Variants in DCDC2C observed in about 807,000 individuals in gnomAD.
DCDC2C encodes the protein doublecortin domain containing 2C, also known as doublecortin domain-containing protein 2C.
DCDC2C carries 44 observed loss-of-function variants against 45.0 expected under a neutral mutation model. The ratio of observed to expected loss-of-function variants is 0.98; its 90% CI spans 0.77 to 1.26. The LOEUF is 1.26. Among genes scored for constraint, DCDC2C ranks in the 50% most tolerant of loss-of-function variants. The probability of loss-of-function intolerance (pLI) is 0.00; values close to 1 mark genes in which losing one functional copy is unlikely to be tolerated. For missense variants in DCDC2C, 447 were observed against 468.9 expected, an observed-to-expected ratio of 0.95 and a Z score of 0.43; for synonymous variants, 187 against 178.8, an observed-to-expected ratio of 1.05 and a Z score of -0.37.
At chr2:3,775,028 G>A (rs1411040341) in intron 8 of DCDC2C, among the ~76,000 whole-genome samples, 1 of 151,604 alleles carries the variant, frequency 6.6e-6, no homozygotes, top group East Asian at 1.9e-4. Context: ...GCCTCCCAAA[G>A]TGCTGGGATT....
At position 3,704,191 on chromosome 2, in the gene DCDC2C, C is replaced by G. The variant is rs1467052246; in HGVS notation, c.287+153C>G. 3 of 706,554 alleles carry G rather than the reference C, an allele frequency of 4.2e-6. No individual in the cohort carries two copies. In the East Asian group the frequency reaches 1.0e-4, roughly 24 times the overall value. The allele number at this position is 706,554 out of a possible 1,614,324, so 43.8% of individuals were successfully genotyped here. A position where few individuals can be genotyped will look rare whatever the true frequency, so the allele number is the denominator to read the frequency against. On this transcript the variant is annotated intron_variant, in intron 1 of 10. Transcript: ENST00000399143. ...GGCGTGGATCCAGCGCAGCCGGCGTCGGGCCGCCCCAGGCCACGTGGTTTC... is the reference window on the plus strand; with the variant it reads ...GGCGTGGATCCAGCGCAGCCGGCGTGGGGCCGCCCCAGGCCACGTGGTTTC...
chr2:3,754,632 AAAGTAAGTAACTTTTTAAAAC>A lies in DCDC2C; in HGVS notation c.726+12_726+32del, dbSNP rs1469666611. On this transcript the variant is annotated splice_donor_variant and splice_donor_5th_base_variant and coding_sequence_variant and intron_variant, in exon 6 of 11. Coordinates refer to ENST00000399143, the MANE Select transcript of DCDC2C (RefSeq NM_001287444.2). LOFTEE classifies it high-confidence loss of function. Reference sequence around the variant, plus strand: ...TGAAAAAAACTCACAGAGAAAGAAAAAAGTAAGTAACTTTTTAAAACAAGTAAGTAACTTGTTTCTGATTCT... The same window carrying A: ...TGAAAAAAACTCACAGAGAAAGAAAAAAGTAAGTAACTTGTTTCTGATTCT... 1.4e-5 allele frequency: 22 copies of A among 1,549,026 alleles called. No homozygotes were observed. Among genetic ancestry groups the A allele is most frequent in the Middle Eastern group, 1.7e-4 (1 of 6,008 alleles).
chr2:3,741,871 C>T, intron 3 of DCDC2C, 49 bp from the exon 4 acceptor site: 6 of 1,495,938 alleles, frequency 4.0e-6, no homozygotes, highest in South Asian at 1.3e-5. Flanking sequence ...TCAATGTTTC[C>T]CCCTCAAACT....
chr2:3,726,980 A>G, intron 2 of DCDC2C, 23 bp from the exon 3 acceptor site: 1 of 1,548,044 alleles, frequency 6.5e-7, no homozygotes, highest in Non-Finnish European at 8.7e-7. Context: ...CTGAATTCCC[A>G]GGTGTGTTTT....
chr2:3,825,055 C>A (rs972228895), intron 10 of DCDC2C, among the ~76,000 whole-genome samples: 2 of 152,164 alleles, frequency 1.3e-5, no homozygotes, highest in African/African-American at 4.8e-5. Flanking sequence ...AAGCCTTGTC[C>A]CCTAGTGGGA....
intron 10 of DCDC2C, among the ~76,000 whole-genome samples, chr2:3,838,484 C>G (rs1672137191): frequency 2.7e-5 from 3 of 111,802 alleles, no homozygotes; most frequent in South Asian, 2.9e-4. Context: ...GAGAGAGAGA[C>G]CAAACACCAA....
At chr2:3,718,665 G>T (rs1177360057) in intron 2 of DCDC2C, among the ~76,000 whole-genome samples, 1 of 152,154 alleles carries the variant, frequency 6.6e-6, no homozygotes, top group African/African-American at 2.4e-5. Context: ...CACTGGAAAT[G>T]AGCAGACCCT....
chr2:3,760,320 C>T (rs56718649), intron 6 of DCDC2C, among the ~76,000 whole-genome samples: 2,841 of 152,268 alleles, frequency 0.019, 87 homozygotes, highest in African/African-American at 0.065. Flanking sequence ...CCAGCAATCC[C>T]ATTACTGGGT....
chr2:3,705,154 A>G (rs1668033751), intron 1 of DCDC2C, among the ~76,000 whole-genome samples: 1 of 152,214 alleles, frequency 6.6e-6, no homozygotes, highest in Non-Finnish European at 1.5e-5. Context: ...TTTTTGAAAA[A>G]GTAGTAGGAT....
chr2:3,781,774 G>A (rs1558224882), intron 9 of DCDC2C, among the ~76,000 whole-genome samples: 1 of 152,146 alleles, frequency 6.6e-6, no homozygotes. Context: ...GGAGGCTGAG[G>A]TGAGAGGATT....
chr2:3,838,481 A>AGC lies in DCDC2C; in HGVS notation c.1066-8672_1066-8671insCG, dbSNP rs552136636. ...GAGAGAGAGAGAGAGAGAGAGAGAGAGACCAAACACCAAAGGCTGACATGG... is the reference window on the plus strand; with the variant it reads ...GAGAGAGAGAGAGAGAGAGAGAGAGAGCGACCAAACACCAAAGGCTGACATGG... On this transcript the variant is annotated intron_variant, in intron 10 of 10. Coordinates refer to ENST00000399143, the MANE Select transcript of DCDC2C (RefSeq NM_001287444.2). Among the ~76,000 whole-genome samples the AGC allele has an allele frequency of 9.5e-5, 14 of 147,302 alleles. No homozygotes were observed. The South Asian group carries it at 2.0e-3, about 21-fold the overall frequency.
chr2:3,711,107 A>T (rs368654180), intron 2 of DCDC2C, among the ~76,000 whole-genome samples: 1 of 152,230 alleles, frequency 6.6e-6, no homozygotes, highest in African/African-American at 2.4e-5. Flanking sequence ...TTTTCAAAAT[A>T]GCCATTCTGC....
chr2:3,714,012 T>C (rs140397138), intron 2 of DCDC2C, among the ~76,000 whole-genome samples: 284 of 152,326 alleles, frequency 1.9e-3, no homozygotes, highest in Non-Finnish European at 3.6e-3. Context: ...AATGTCTAAA[T>C]GTTTTACTAA....
chr2:3,726,925 G>T, intron 2 of DCDC2C, 78 bp from the exon 3 acceptor site: 1 of 1,290,380 alleles, frequency 7.7e-7, no homozygotes, highest in Admixed American at 2.0e-5. Flanking sequence ...TTTTAGGGCA[G>T]TGCTGTGCAC....
At chr2:3,800,966 C>T (rs1671098905) in intron 10 of DCDC2C, among the ~76,000 whole-genome samples, 1 of 152,146 alleles carries the variant, frequency 6.6e-6, no homozygotes, top group African/African-American at 2.4e-5. Flanking sequence ...ATAGTTTTGA[C>T]CTCACTGACC....
intron 10 of DCDC2C, among the ~76,000 whole-genome samples, chr2:3,800,441 C>T (rs59535659): frequency 0.24 from 37,229 of 152,074 alleles, 5,152 homozygotes; most frequent in African/African-American, 0.38. Context: ...TTGTTCAACC[C>T]AAACACTATC....
chr2:3,709,989 G>T (rs1278032815), intron 2 of DCDC2C, among the ~76,000 whole-genome samples: 1 of 152,128 alleles, frequency 6.6e-6, no homozygotes, highest in Non-Finnish European at 1.5e-5. Flanking sequence ...GCATTAGGTT[G>T]CTGGGCACTC....
At chr2:3,744,565 C>T (rs1669307058) in intron 4 of DCDC2C, among the ~76,000 whole-genome samples, 1 of 152,160 alleles carries the variant, frequency 6.6e-6, no homozygotes, top group Admixed American at 6.5e-5. Flanking sequence ...TAGGAGGAGG[C>T]CGCCGTGGGC....
chr2:3,819,266 G>A (rs1823861), intron 10 of DCDC2C, among the ~76,000 whole-genome samples: 113,258 of 152,118 alleles, frequency 0.74, 42,631 homozygotes, highest in East Asian at 0.91. Flanking sequence ...GGACAGTCCA[G>A]TTTCCAGTGG....
Sources: gnomAD v4.1 joint callset for allele counts (sites outside exome capture counted in the v4.1 genomes callset) on GRCh38, gnomAD v4.1.1 for gene constraint, MANE v1.5 for transcripts, NCBI Gene and HGNC (gene_info 2026-07-23, HGNC 2026-07-21) for gene names.